LRRC4C: variants seen among roughly 807,000 people sequenced by gnomAD.
LRRC4C encodes the protein leucine-rich repeat-containing protein 4C.
Under a neutral mutation model 33.6 loss-of-function variants are expected in LRRC4C, and 5 were observed. The ratio of observed to expected loss-of-function variants is 0.15; its 90% CI spans 0.08 to 0.31. The LOEUF is 0.31. Among genes scored for constraint, LRRC4C ranks in the 10% least tolerant of loss-of-function variants. The pLI, the probability that LRRC4C is intolerant of heterozygous loss-of-function variation, is 1.00. For missense variants in LRRC4C, 560 were observed against 796.7 expected (o/e 0.70, Z 3.58); for synonymous variants, 329 against 302.0 (o/e 1.09, Z -0.93).
At chr11:41,234,290 A>G (rs1421055730) in intron 1 of LRRC4C, among the ~76,000 whole-genome samples, 1 of 152,090 alleles carries the variant, frequency 6.6e-6, no homozygotes, top group African/African-American at 2.4e-5. Flanking sequence ...GTTTTGAAAT[A>G]TGCATACATT....
intron 2 of LRRC4C, among the ~76,000 whole-genome samples, chr11:40,871,521 G>A (rs11605669): frequency 0.052 from 7,930 of 152,100 alleles, 323 homozygotes; most frequent in East Asian, 0.19. Flanking sequence ...AGGTTCACCC[G>A]ATACAGGGCC....
At chr11:40,660,707 T>A (rs1943388135) in intron 2 of LRRC4C, among the ~76,000 whole-genome samples, 1 of 152,174 alleles carries the variant, frequency 6.6e-6, no homozygotes, top group African/African-American at 2.4e-5. Flanking sequence ...AGCTCCAGTA[T>A]CAATAAATGC....
intron 2 of LRRC4C, among the ~76,000 whole-genome samples, chr11:40,791,241 T>C (rs1950611244): frequency 6.6e-6 from 1 of 152,192 alleles, no homozygotes; most frequent in East Asian, 1.9e-4. Context: ...TATGAAAGCA[T>C]TGTATGGTGT....
intron 5 of LRRC4C, among the ~76,000 whole-genome samples, chr11:40,189,092 G>C (rs1424865052): frequency 6.6e-6 from 1 of 152,040 alleles, no homozygotes; most frequent in African/African-American, 2.4e-5. Context: ...ATACGCTTGG[G>C]CTCTAAGATT....
chr11:40,190,182 T>C lies in LRRC4C; in HGVS notation c.-95-49329A>G, dbSNP rs1247507799. 2.6e-5 allele frequency among the ~76,000 whole-genome samples: 4 copies of C among 152,106 alleles called. No individual in the cohort carries two copies. In the East Asian group the frequency reaches 7.7e-4, roughly 29 times the overall value. The stretch of plus-strand genomic sequence containing the variant: ...AACTAAACTGAGATTTTGATGAAAA[T>C]GGGAGAATCTAGAGGCGAGTGAATT... On this transcript the variant is annotated intron_variant, in intron 5 of 6. Transcript: ENST00000528697.
chr11:40,206,125 C>T (rs1399039893), intron 5 of LRRC4C, among the ~76,000 whole-genome samples: 4 of 152,030 alleles, frequency 2.6e-5, no homozygotes, highest in Non-Finnish European at 4.4e-5. Flanking sequence ...TAGTGCCTAA[C>T]ACATCATATA....
At chr11:40,236,856 C>T (rs751651184) in intron 5 of LRRC4C, among the ~76,000 whole-genome samples, 1 of 152,020 alleles carries the variant, frequency 6.6e-6, no homozygotes, top group African/African-American at 2.4e-5. Flanking sequence ...ATTATCACAG[C>T]GGAGTTCAGA....
intron 1 of LRRC4C, among the ~76,000 whole-genome samples, chr11:41,001,558 C>T (rs1854381725): frequency 1.3e-5 from 2 of 152,000 alleles, no homozygotes; most frequent in Non-Finnish European, 2.9e-5. Context: ...CTCTTCTCAG[C>T]CTGTCTTAAA....
chr11:41,085,147 T>C (rs537922891), intron 1 of LRRC4C, among the ~76,000 whole-genome samples: 1 of 152,330 alleles, frequency 6.6e-6, no homozygotes, highest in South Asian at 2.1e-4. Context: ...GAATTGGATA[T>C]TGTCATATGG....
intron 3 of LRRC4C, chr11:40,445,711 A>G (rs1184759093): frequency 6.6e-6 from 1 of 152,250 alleles, no homozygotes; most frequent in Non-Finnish European, 1.5e-5. Flanking sequence ...TGAGGTTTGC[A>G]TTCCAGTGAA....
In LRRC4C at chr11:40,238,282, C is replaced by A. The variant is rs115632801; in HGVS notation, c.-96+3237G>T. Among the ~76,000 whole-genome samples the A allele has an allele frequency of 4.3e-3, 652 of 152,288 alleles. 2 individuals are homozygous for A. The highest frequency in any genetic ancestry group is 0.015 in the African/African-American group (631 of 41,564). ...CAGAGCCCTGCTCTAGCCACTGTTTCCTGACATGTTCTTAAATATCTGTAA... is the reference window on the plus strand; with the variant it reads ...CAGAGCCCTGCTCTAGCCACTGTTTACTGACATGTTCTTAAATATCTGTAA... On this transcript the variant is annotated intron_variant, in intron 5 of 6. Coordinates refer to ENST00000528697, the MANE Select transcript of LRRC4C (RefSeq NM_001258419.2).
intron 3 of LRRC4C, among the ~76,000 whole-genome samples, chr11:40,592,092 A>G (rs752534518): frequency 6.6e-6 from 1 of 152,198 alleles, no homozygotes; most frequent in East Asian, 1.9e-4. Context: ...ATATGCAGCA[A>G]CAGCTTTGCT....
At chr11:40,819,184 T>A (rs569046954) in intron 2 of LRRC4C, among the ~76,000 whole-genome samples, 57 of 152,048 alleles carry the variant, frequency 3.7e-4, no homozygotes, top group Admixed American at 9.8e-4. Context: ...TGCAGAAGAG[T>A]TGGTAGGACA....
intron 5 of LRRC4C, among the ~76,000 whole-genome samples, chr11:40,209,907 C>A (rs1468005504): frequency 6.6e-6 from 1 of 151,896 alleles, no homozygotes; most frequent in East Asian, 1.9e-4. Flanking sequence ...AAAGGAGATG[C>A]CTTGAAGAAA....
At chr11:41,281,863 C>G (rs150693944) in intron 1 of LRRC4C, among the ~76,000 whole-genome samples, 80 of 152,186 alleles carry the variant, frequency 5.3e-4, no homozygotes, top group African/African-American at 1.9e-3. Context: ...AAATACTACC[C>G]CAAATGCAAT....
At chr11:40,513,293 C>CT (rs1429079145) in intron 3 of LRRC4C, among the ~76,000 whole-genome samples, 3 of 150,706 alleles carry the variant, frequency 2.0e-5, no homozygotes, top group Non-Finnish European at 3.0e-5. Flanking sequence ...AAAATCCACT[C>CT]TAACAATTCT....
At chr11:41,159,077 G>A (rs778623212) in intron 1 of LRRC4C, among the ~76,000 whole-genome samples, 1 of 152,112 alleles carries the variant, frequency 6.6e-6, no homozygotes, top group Non-Finnish European at 1.5e-5. Context: ...TTGAGGTCAG[G>A]AGTTCAAGAC....
At chr11:41,117,111 A>T (rs1173452117) in intron 1 of LRRC4C, among the ~76,000 whole-genome samples, 2 of 152,174 alleles carry the variant, frequency 1.3e-5, no homozygotes, top group East Asian at 3.9e-4. Context: ...CTTGCGGCCC[A>T]GGGACTCCCG....
At chr11:40,474,896 A>T (rs113795057) in intron 3 of LRRC4C, among the ~76,000 whole-genome samples, 2 of 63,154 alleles carry the variant, frequency 3.2e-5, no homozygotes, top group African/African-American at 9.9e-5. Context: ...TCAAAACCAC[A>T]ATGAGATACC....
Sources: gnomAD v4.1 joint callset for allele counts (sites outside exome capture counted in the v4.1 genomes callset) on GRCh38, gnomAD v4.1.1 for gene constraint, MANE v1.5 for transcripts, NCBI Gene and HGNC (gene_info 2026-07-23, HGNC 2026-07-21) for gene names.